Variants in ETS2 observed in about 807,000 individuals in gnomAD.
ETS2 encodes the protein ETS proto-oncogene 2, transcription factor.
ETS2 carries 19 observed loss-of-function variants against 54.9 expected under a neutral mutation model. The ratio of observed to expected loss-of-function variants is 0.35; its 90% confidence interval spans 0.24 to 0.51. The LOEUF (loss-of-function observed/expected upper bound fraction) is 0.51. Ranked by LOEUF, ETS2 falls within the 20% of genes least tolerant of loss-of-function variation. ETS2 has a pLI of 0.97. For missense variants in ETS2, 417 were observed against 593.0 expected (o/e 0.70, Z 3.08); for synonymous variants, 219 against 229.3 (o/e 0.95, Z 0.41).
In ETS2 at chr21:38,821,029, CTG is replaced by C. The variant is rs1176938427; in HGVS notation, c.1076-554_1076-553del. Among the ~76,000 whole-genome samples the C allele has an allele frequency of 1.3e-5, 2 of 152,200 alleles. No individual in the cohort carries two copies. Among genetic ancestry groups the C allele is most frequent in the African/African-American group, 4.8e-5 (2 of 41,442 alleles). Reference sequence around the variant, plus strand: ...CAAAGCATGCTTCACCAGACAGAGGCTGTGAGGCAACGGGTGTGACCCCGCGT... The same window carrying C: ...CAAAGCATGCTTCACCAGACAGAGGCTGAGGCAACGGGTGTGACCCCGCGT... On this transcript the variant is annotated intron_variant, in intron 8 of 9. Transcript: ENST00000360938. The surrounding 1 kb of genome is among the most constrained non-coding windows in gnomAD (Gnocchi z 4.2).
At position 38,814,707 on chromosome 21, in the gene ETS2, A is replaced by G. The variant is rs950111499; in HGVS notation, c.305-74A>G. ...TATGTCGGTACTTGGTGCATAAATTAGGGATGACAGTGGTCTCACTACCTT... is the reference window on the plus strand; with the variant it reads ...TATGTCGGTACTTGGTGCATAAATTGGGGATGACAGTGGTCTCACTACCTT... On this transcript the variant is annotated intron_variant, in intron 4 of 9. Transcript: ENST00000360938. The surrounding 1 kb of genome is among the most constrained non-coding windows in gnomAD (Gnocchi z 4.2). 18 of 1,325,784 alleles carry G rather than the reference A, an allele frequency of 1.4e-5. No individual in the cohort carries two copies. Among genetic ancestry groups the G allele is most frequent in the Non-Finnish European group, 1.8e-5 (17 of 928,778 alleles). 82.1% of individuals were successfully genotyped at this position (1,325,784 alleles called of 1,614,324 possible).
intron 1 of ETS2, among the ~76,000 whole-genome samples, chr21:38,807,255 G>A (rs963172283): frequency 6.6e-6 from 1 of 152,182 alleles, no homozygotes; most frequent in Admixed American, 6.5e-5. Flanking sequence ...CTTCAAATGT[G>A]TGTTACAAGG....
chr21:38,816,321 TA>T (rs1400719397), intron 5 of ETS2, among the ~76,000 whole-genome samples: 1 of 152,046 alleles, frequency 6.6e-6, no homozygotes, highest in Non-Finnish European at 1.5e-5. Flanking sequence ...AACTCATTTT[TA>T]AAGACCCTCA....
chr21:38,810,174 A>G (rs567329934), intron 2 of ETS2, 68 bp downstream of exon 2: 3 of 969,026 alleles, frequency 3.1e-6, no homozygotes, highest in East Asian at 5.7e-5. Context: ...AAGAAAAAAA[A>G]GGCCTGGGTC....
At position 38,806,560 on chromosome 21, in the gene ETS2, G is replaced by A. The variant is rs913325406; in HGVS notation, c.-1+440G>A. 23 of 985,360 alleles carry A rather than the reference G, an allele frequency of 2.3e-5. No homozygotes were observed. Among genetic ancestry groups the A allele is most frequent in the Non-Finnish European group, 2.7e-5 (22 of 830,008 alleles). The allele number at this position is 985,360 out of a possible 1,614,324, so 61.0% of individuals were successfully genotyped here. On this transcript the variant is annotated intron_variant, in intron 1 of 9. Transcript: ENST00000360938. The surrounding 1 kb of genome is among the most constrained non-coding windows in gnomAD (Gnocchi z 4.3). ...CGTGTCCGAGGTGGCCTGGCGCCCC[G>A]GCTTTGAGGGTGACTTCCTGGAGCG...
At position 38,821,189 on chromosome 21, in the gene ETS2, C is replaced by T. The variant is rs2060956655; in HGVS notation, c.1076-397C>T. On this transcript the variant is annotated intron_variant, in intron 8 of 9. Coordinates refer to ENST00000360938, the MANE Select transcript of ETS2 (RefSeq NM_005239.6). The surrounding 1 kb of genome is among the most constrained non-coding windows in gnomAD (Gnocchi z 4.2). ...CCCCTCAGCCACCCCCATCTCTGCC[C>T]CACTGGGTGTTTCTAGAAAAAAACC... Among the ~76,000 whole-genome samples, 1 of 152,142 alleles carries T rather than the reference C, an allele frequency of 6.6e-6. No homozygotes were observed. Among genetic ancestry groups the T allele is most frequent in the South Asian group, 2.1e-4 (1 of 4,826 alleles).
Position 38,813,116 on chromosome 21 carries a change from T to C in ETS2, c.184+2T>C. ...CAGGCTTGGATTCCATTTCTCATGGTAATTGGTTCCTCAGACTTGACAAAT... is the reference window on the plus strand; with the variant it reads ...CAGGCTTGGATTCCATTTCTCATGGCAATTGGTTCCTCAGACTTGACAAAT... On this transcript the variant is annotated splice_donor_variant, in intron 3 of 9. Transcript: ENST00000360938. LOFTEE classifies it high-confidence loss of function. 6.3e-7 allele frequency: 1 copy of C among 1,583,694 alleles called. No homozygotes were observed. The highest frequency in any genetic ancestry group is 8.7e-7 in the Non-Finnish European group (1 of 1,152,112).
At chr21:38,805,192 G>A, upstream of ETS2, 3 of 556,592 alleles carry the variant, frequency 5.4e-6, no homozygotes, top group Non-Finnish European at 5.3e-6. This position sits in a 1 kb window ranked among gnomAD's most constrained non-coding sequence, Gnocchi z 5.2. Flanking sequence ...CGCCACTCCC[G>A]CGGAGCCTGC....
At chr21:38,820,731 GA>G (rs1218183181) in intron 8 of ETS2, among the ~76,000 whole-genome samples, 2 of 152,248 alleles carry the variant, frequency 1.3e-5, no homozygotes, top group Non-Finnish European at 2.9e-5. Flanking sequence ...TCTGGTTCTA[GA>G]ATGCCTGTCC....
intron 7 of ETS2, 95 bp from the exon 8 acceptor site, chr21:38,819,408 T>C (rs2060948092): frequency 8.7e-7 from 1 of 1,144,014 alleles, no homozygotes; most frequent in East Asian, 2.3e-5. Flanking sequence ...AGCAGGTGCA[T>C]GATTGCACTG....
rs750709152 is a variant in ETS2, at chr21:38,819,484, G to A, written c.812-19G>A. The A allele has an allele frequency of 1.2e-6, 2 of 1,612,898 alleles. No homozygotes were observed. The highest frequency in any genetic ancestry group is 2.2e-5 in the East Asian group (1 of 44,872). On this transcript the variant is annotated intron_variant, in intron 7 of 9. Coordinates refer to ENST00000360938, the MANE Select transcript of ETS2 (RefSeq NM_005239.6). ...GTGTCCTGGAGGAATCAAAGTATGT[G>A]TTTGGTTGTCTTTGCCAGGGACTCC...
At chr21:38,807,093 C>G (rs139268695) in intron 1 of ETS2, among the ~76,000 whole-genome samples, 2 of 152,340 alleles carry the variant, frequency 1.3e-5, no homozygotes, top group African/African-American at 4.8e-5. Flanking sequence ...AGATAAATCT[C>G]CACGTTAAGC....
chr21:38,819,560 A>T lies in ETS2; in HGVS notation c.869A>T (p.Asp290Val). 1 of 1,613,926 alleles carries T rather than the reference A, an allele frequency of 6.2e-7. No homozygotes were observed. The highest frequency in any genetic ancestry group is 1.7e-5 in the Admixed American group (1 of 60,000). The change falls in exon 8 of 10, where the codon GAC (aspartate) becomes GTC (valine). Residue 290 changes from aspartate to valine, a missense_variant. Asp to Val is a radical substitution (Grantham distance 152). Coordinates refer to ENST00000360938, the MANE Select transcript of ETS2 (RefSeq NM_005239.6). Reference sequence around the variant, plus strand: ...GGTGCGGACAGCTTCGAGAGCTCAGACTCCCTCCTCCAGTCCTGGAACAGC... The same window carrying T: ...GGTGCGGACAGCTTCGAGAGCTCAGTCTCCCTCCTCCAGTCCTGGAACAGC... ...ENGADSFESS[D>V]SLLQSWNSQS...
chr21:38,817,461 G>T (rs75807938), intron 6 of ETS2, among the ~76,000 whole-genome samples: 9 of 152,108 alleles, frequency 5.9e-5, no homozygotes, highest in Non-Finnish European at 8.8e-5. Context: ...TAGAACTTTC[G>T]CAGTTGCTTA....
chr21:38,809,946 T>G (rs1406538317), intron 1 of ETS2, 89 bp from the exon 2 acceptor site: 3 of 793,500 alleles, frequency 3.8e-6, no homozygotes, highest in Non-Finnish European at 6.0e-6. Context: ...GCTGTAGAAC[T>G]CAGCCAGGAT....
At position 38,819,591 on chromosome 21, in the gene ETS2, G is replaced by A. The variant is rs777681551; in HGVS notation, c.900G>A (p.Ser300=). 15 of 1,614,158 alleles carry A rather than the reference G, an allele frequency of 9.3e-6. No individual in the cohort carries two copies. Among genetic ancestry groups the A allele is most frequent in the Middle Eastern group, 3.3e-4 (2 of 6,062 alleles). ...TCCTCCAGTCCTGGAACAGCCAGTC[G>A]TCCTTGCTGGATGTGCAACGGGTTC... ...DSLLQSWNSQ[S]SLLDVQRVPS... is the part of the protein sequence containing the mutation. Residue 300 remains serine (S), a synonymous_variant, in exon 8 of 10, where the codon TCG becomes TCA. Transcript: ENST00000360938.
At chr21:38,805,292 G>A, upstream of ETS2, 15 of 1,213,182 alleles carry the variant, frequency 1.2e-5, no homozygotes, top group East Asian at 6.6e-5. This position sits in a 1 kb window ranked among gnomAD's most constrained non-coding sequence, Gnocchi z 5.2. Context: ...GCCTCATTTG[G>A]AGCCTTTTTG....
chr21:38,815,573 G>C (rs1485309806), intron 5 of ETS2, among the ~76,000 whole-genome samples: 1 of 151,920 alleles, frequency 6.6e-6, no homozygotes, highest in Non-Finnish European at 1.5e-5. Context: ...ACCAAATACA[G>C]AGAAAGTCTT....
Position 38,806,422 on chromosome 21 carries a change from C to T in ETS2, c.-1+302C>T. 1.0e-6 allele frequency: 1 copy of T among 985,440 alleles called. No homozygotes were observed. Among genetic ancestry groups the T allele is most frequent in the African/African-American group, 1.7e-5 (1 of 57,174 alleles). 61.0% of individuals were successfully genotyped at this position (985,440 alleles called of 1,614,324 possible). ...GGCGGGCGCGGCCAGGGCGCGCTGG[C>T]TTGTTTCGCTCGCTTTTGTTTTTAA... On this transcript the variant is annotated intron_variant, in intron 1 of 9. Transcript: ENST00000360938. This position sits in a 1 kb window ranked among gnomAD's most constrained non-coding sequence, Gnocchi z 4.3.
Sources: allele counts gnomAD v4.1 joint callset (sites outside exome capture counted in the v4.1 genomes callset), GRCh38; gene constraint gnomAD v4.1.1; non-coding constraint Gnocchi (gnomAD v3.1); transcripts MANE v1.5; gene names NCBI Gene and HGNC (gene_info 2026-07-23, HGNC 2026-07-21).